The following KLRG1 variants were observed in gnomAD, a reference collection of about 807,000 sequenced individuals.
The protein encoded by KLRG1 is killer cell lectin-like receptor subfamily G member 1.
Under a neutral mutation model 21.8 loss-of-function variants are expected in KLRG1, and 16 were observed. The observed-to-expected ratio is 0.73, with a 90% confidence interval of 0.50 to 1.11. KLRG1 has a LOEUF of 1.11. Among genes scored for constraint, KLRG1 ranks in the 50% most tolerant of loss-of-function variants. KLRG1 has a pLI of 0.00. For synonymous variants in KLRG1, 69 were observed against 75.9 expected, an observed-to-expected ratio of 0.91 and a Z score of 0.47; for missense variants, 173 against 218.3, an observed-to-expected ratio of 0.79 and a Z score of 1.31.
the KLRG1 span, among the ~76,000 whole-genome samples, chr12:9,186,581 T>C: frequency 4.0e-5 from 6 of 151,268 alleles, no homozygotes; most frequent in South Asian, 8.4e-4. Flanking sequence ...AAATGGAAAA[T>C]AGAAAAAAGC....
At chr12:9,060,836 C>T in the KLRG1 span, among the ~76,000 whole-genome samples, 4 of 152,142 alleles carry the variant, frequency 2.6e-5, no homozygotes, top group East Asian at 3.9e-4. Context: ...TGATCTTTTT[C>T]GTCACGTGAA....
the KLRG1 span, chr12:9,069,648 TG>T: frequency 2.5e-6 from 2 of 813,320 alleles, no homozygotes; most frequent in Non-Finnish European, 3.9e-6. Flanking sequence ...ATTTCTAGCA[TG>T]GAAGTGATGT....
At chr12:9,008,256 T>G (rs1192654076) in intron 3 of KLRG1, among the ~76,000 whole-genome samples, 1 of 152,250 alleles carries the variant, frequency 6.6e-6, no homozygotes, top group Non-Finnish European at 1.5e-5. Context: ...CAGCAAATGT[T>G]TAGCTTCTTT....
chr12:9,069,776 C>T, the KLRG1 span: 20 of 1,612,920 alleles, frequency 1.2e-5, no homozygotes, highest in East Asian at 4.5e-5. Flanking sequence ...ATGGTTGCTG[C>T]TGACTTCTGT....
At chr12:9,059,996 C>CTTTCTTT in the KLRG1 span, among the ~76,000 whole-genome samples, 1 of 75,564 alleles carries the variant, frequency 1.3e-5, no homozygotes, top group African/African-American at 5.4e-5. Context: ...GCCCTGGCAT[C>CTTTCTTT]TTTTTTTTTT....
chr12:9,026,645 C>A, the KLRG1 span, among the ~76,000 whole-genome samples: 1 of 152,020 alleles, frequency 6.6e-6, no homozygotes, highest in Non-Finnish European at 1.5e-5. Flanking sequence ...ATGTTTATAT[C>A]CTTTGGCTAT....
the KLRG1 span, among the ~76,000 whole-genome samples, chr12:9,199,359 G>C: frequency 2.0e-5 from 3 of 152,108 alleles, no homozygotes; most frequent in Non-Finnish European, 2.9e-5. Context: ...GACAGGATTA[G>C]TATTTATGGT....
the KLRG1 span, chr12:9,113,661 T>A: frequency 1.9e-6 from 2 of 1,026,798 alleles, no homozygotes; most frequent in Middle Eastern, 3.1e-4. Context: ...GAAGATGTAC[T>A]GATGAGCATG....
chr12:9,195,239 T>A, the KLRG1 span, among the ~76,000 whole-genome samples: 3 of 152,096 alleles, frequency 2.0e-5, no homozygotes, highest in Non-Finnish European at 2.9e-5. Context: ...TTTTAAAAAA[T>A]TTAAAATAAT....
the KLRG1 span, chr12:9,112,128 A>G: frequency 6.2e-7 from 1 of 1,610,678 alleles, no homozygotes; most frequent in Non-Finnish European, 8.5e-7. Context: ...TTATACAGAC[A>G]ATCATTTTAT....
chr12:8,959,195 G>A (rs1424548280), intron 1 of KLRG1, among the ~76,000 whole-genome samples: 3 of 152,132 alleles, frequency 2.0e-5, no homozygotes, highest in Non-Finnish European at 4.4e-5. Flanking sequence ...ACAATGACCC[G>A]CCATTACTTA....
the KLRG1 span, among the ~76,000 whole-genome samples, chr12:9,094,630 T>A: frequency 3.9e-5 from 6 of 152,066 alleles, no homozygotes; most frequent in African/African-American, 1.2e-4. Flanking sequence ...ATGTCATTGA[T>A]GAATGTGTGT....
At chr12:9,015,819 C>G in the KLRG1 span, among the ~76,000 whole-genome samples, 1 of 152,004 alleles carries the variant, frequency 6.6e-6, no homozygotes, top group Non-Finnish European at 1.5e-5. Context: ...TCTTCTCTGA[C>G]TATAATGGAA....
the KLRG1 span, chr12:9,112,813 T>C: frequency 2.4e-6 from 1 of 409,222 alleles, no homozygotes; most frequent in South Asian, 3.1e-5. Flanking sequence ...AATTATACGC[T>C]GAGCTTTACC....
chr12:9,044,168 C>A, the KLRG1 span, among the ~76,000 whole-genome samples: 13 of 152,078 alleles, frequency 8.5e-5, no homozygotes, highest in South Asian at 2.7e-3. Flanking sequence ...TAATATGTGT[C>A]CCAATTTCAA....
At chr12:9,038,531 A>G in the KLRG1 span, among the ~76,000 whole-genome samples, 1 of 152,204 alleles carries the variant, frequency 6.6e-6, no homozygotes, top group African/African-American at 2.4e-5. Context: ...ATAAATATCT[A>G]GATTAGTGTT....
At chr12:9,093,676 A>C in the KLRG1 span, 1 of 681,844 alleles carries the variant, frequency 1.5e-6, no homozygotes. Flanking sequence ...ACAAAAAACA[A>C]ATCGTCTGAT....
At chr12:9,124,235 C>G in the KLRG1 span, among the ~76,000 whole-genome samples, 1 of 152,046 alleles carries the variant, frequency 6.6e-6, no homozygotes, top group Non-Finnish European at 1.5e-5. Flanking sequence ...AGATGGGATA[C>G]CATTGATGGT....
intron 1 of KLRG1, among the ~76,000 whole-genome samples, chr12:8,955,261 A>T (rs1053185201): frequency 5.3e-5 from 8 of 151,990 alleles, no homozygotes; most frequent in African/African-American, 1.7e-4. Context: ...TGACAAATGC[A>T]TCATAACTGT....
Sources: allele counts gnomAD v4.1 joint callset (sites outside exome capture counted in the v4.1 genomes callset), GRCh38; gene constraint gnomAD v4.1.1; transcripts MANE v1.5; gene names NCBI Gene and HGNC (gene_info 2026-07-23, HGNC 2026-07-21).